CCT4: variants seen among roughly 807,000 people sequenced by gnomAD.
CCT4 encodes the protein T-complex protein 1 subunit delta.
In CCT4, 17 loss-of-function variants were observed where a neutral mutation model predicts 62.5. The observed-to-expected ratio is 0.27, with a 90% CI of 0.19 to 0.41. The LOEUF is 0.41. Among genes scored for constraint, CCT4 ranks in the 10% least tolerant of loss-of-function variants. CCT4 has a pLI of 1.00. For missense variants in CCT4, 592 were observed against 659.2 expected, an observed-to-expected ratio of 0.90 and a Z score of 1.12; for synonymous variants, 250 against 229.9, an observed-to-expected ratio of 1.09 and a Z score of -0.79.
intron 2 of CCT4, 23 bp from the exon 3 acceptor site, chr2:61,883,571 A>G: frequency 2.6e-6 from 3 of 1,157,880 alleles, no homozygotes; most frequent in Admixed American, 1.9e-5. Flanking sequence ...TTTTAAAGTT[A>G]TATTTCAATG....
intron 10 of CCT4, 121 bp from the exon 11 acceptor site, chr2:61,872,709 C>A: frequency 1.1e-6 from 1 of 932,824 alleles, no homozygotes; most frequent in Non-Finnish European, 1.6e-6. Flanking sequence ...GGGTGGCTAA[C>A]GAGGTGAGGA....
intron 8 of CCT4, among the ~76,000 whole-genome samples, chr2:61,875,684 C>G (rs1379867832): frequency 6.6e-6 from 1 of 151,990 alleles, no homozygotes; most frequent in South Asian, 2.1e-4. Context: ...GGGCTCCACC[C>G]TGAAGCCAAT....
intron 3 of CCT4, among the ~76,000 whole-genome samples, chr2:61,883,233 C>T (rs1156481671): frequency 1.3e-5 from 2 of 151,966 alleles, no homozygotes; most frequent in Non-Finnish European, 2.9e-5. Context: ...AACAGCCTGA[C>T]CAACATGGTG....
chr2:61,873,339 T>G (rs756290850), intron 8 of CCT4, 46 bp from the exon 9 acceptor site: 1 of 1,047,842 alleles, frequency 9.5e-7, no homozygotes. Context: ...ATTAAAAAAA[T>G]TTTGCTCTTC....
chr2:61,883,723 A>G (rs1199784249), intron 2 of CCT4, among the ~76,000 whole-genome samples, 175 bp from the exon 3 acceptor site: 2 of 151,932 alleles, frequency 1.3e-5, no homozygotes, highest in African/African-American at 2.4e-5. Flanking sequence ...CAACTTTACA[A>G]AAGAAAAAAG....
chr2:61,876,265 T>C lies in CCT4; in HGVS notation c.778-31A>G, dbSNP rs761978847. ...CAGAAAAAGAACATCATAATTTGCA[T>C]TGTAAGATATTTTAAGTTTAAAAGT... On this transcript the variant is annotated intron_variant, in intron 7 of 13. Coordinates refer to ENST00000394440, the MANE Select transcript of CCT4 (RefSeq NM_006430.4). The C allele has an allele frequency of 1.8e-4, 277 of 1,518,584 alleles. 1 individual carries two copies. In the South Asian group the frequency reaches 2.8e-3, roughly 15 times the overall value. The allele number at this position is 1,518,584 out of a possible 1,614,324, so 94.1% of individuals were successfully genotyped here.
chr2:61,870,202 A>G (rs1236651585), intron 12 of CCT4, among the ~76,000 whole-genome samples: 1 of 151,872 alleles, frequency 6.6e-6, no homozygotes, highest in Admixed American at 6.6e-5. Flanking sequence ...GCTTGAACCC[A>G]GGAGGCGGAG....
intron 2 of CCT4, 134 bp from the exon 3 acceptor site, chr2:61,883,682 C>A: frequency 3.6e-6 from 2 of 563,040 alleles, no homozygotes; most frequent in Non-Finnish European, 6.2e-6. Context: ...CTTACATTAG[C>A]ATAATAGTTT....
intron 8 of CCT4, among the ~76,000 whole-genome samples, chr2:61,873,952 G>A (rs1668942238): frequency 6.6e-6 from 1 of 151,888 alleles, no homozygotes; most frequent in African/African-American, 2.4e-5. Context: ...CTCCCACCTC[G>A]GCCCCACAAA....
At position 61,876,114 on chromosome 2, in the gene CCT4, T is replaced by C. The variant is rs762315491; in HGVS notation, c.898A>G (p.Ile300Val). ...IKKTGCNVLL[I>V]QKSILRDALS... ...CCACACCTTAGAATAGATTTCTGTA[T>C]GAGAAGGACATTACATCCTGTTTTT... Residue 300 changes from isoleucine (I) to valine (V), a missense_variant, in exon 8 of 14, where the codon ATA (isoleucine) becomes GTA (valine). Transcript: ENST00000394440. 9.3e-6 allele frequency: 15 copies of C among 1,604,876 alleles called. No individual in the cohort carries two copies. Among genetic ancestry groups the C allele is most frequent in the South Asian group, 4.4e-5 (4 of 90,452 alleles).
intron 4 of CCT4, 47 bp downstream of exon 4, chr2:61,880,239 G>A: frequency 1.3e-6 from 1 of 794,610 alleles, no homozygotes; most frequent in Non-Finnish European, 1.8e-6. Context: ...CCTAAAGTTT[G>A]TTTTTTAAAC....
At chr2:61,881,151 C>T (rs1271827358) in intron 3 of CCT4, among the ~76,000 whole-genome samples, 2 of 152,096 alleles carry the variant, frequency 1.3e-5, no homozygotes, top group Non-Finnish European at 2.9e-5. Context: ...AGCCTCAGGA[C>T]TATCCAAGAA....
At chr2:61,880,849 G>A (rs867620542) in intron 3 of CCT4, among the ~76,000 whole-genome samples, 4 of 152,206 alleles carry the variant, frequency 2.6e-5, no homozygotes, top group Middle Eastern at 3.4e-3. Context: ...GGGGCTATAG[G>A]TGCACACTAA....
chr2:61,883,916 C>T (rs1669176400), intron 2 of CCT4, among the ~76,000 whole-genome samples: 2 of 152,146 alleles, frequency 1.3e-5, no homozygotes, highest in Non-Finnish European at 2.9e-5. Flanking sequence ...CAGTACCATG[C>T]CATGCGGTGA....
At chr2:61,868,908 A>T (rs1007881881) in intron 13 of CCT4, 2 of 508,834 alleles carry the variant, frequency 3.9e-6, no homozygotes, top group Admixed American at 3.1e-5. Flanking sequence ...AGGCTGAGGC[A>T]GGTGGATCAC....
Position 61,888,500 on chromosome 2 carries a change from T to A in CCT4, c.8A>T (p.Glu3Val). ...CGCCCCGCTCCGGGGTGCCACATTC[T>A]CGGGCATGGCAAACTCCGCTGTGTC... MP[E>V]NVAPRSGATA... The change falls in exon 1 of 14, where the codon GAG (glutamate) becomes GTG (valine). Residue 3 changes from glutamate (E) to valine (V), a missense_variant. By Grantham distance (121) the Glu-to-Val change is moderately radical (BLOSUM62 -2). Transcript: ENST00000394440. 1.9e-6 allele frequency: 3 copies of A among 1,611,710 alleles called. No homozygotes were observed. The highest frequency in any genetic ancestry group is 2.5e-6 in the Non-Finnish European group (3 of 1,179,228).
chr2:61,886,593 A>C (rs757646761), intron 1 of CCT4, among the ~76,000 whole-genome samples: 3 of 152,202 alleles, frequency 2.0e-5, no homozygotes, highest in African/African-American at 7.2e-5. Context: ...AGTTTAAGAC[A>C]TAACGGGTCA....
intron 12 of CCT4, among the ~76,000 whole-genome samples, chr2:61,871,723 T>G (rs1053596658): frequency 6.6e-5 from 10 of 152,256 alleles, no homozygotes; most frequent in Non-Finnish European, 1.2e-4. Flanking sequence ...CTTTAGTATA[T>G]GCCAAGCATC....
At chr2:61,887,426 C>T (rs1669281788) in intron 1 of CCT4, among the ~76,000 whole-genome samples, 4 of 152,146 alleles carry the variant, frequency 2.6e-5, no homozygotes, top group Admixed American at 2.0e-4. Context: ...GGAGATTAAG[C>T]CAAATACTTT....
Sources: allele counts gnomAD v4.1 joint callset (sites outside exome capture counted in the v4.1 genomes callset), GRCh38; gene constraint gnomAD v4.1.1; transcripts MANE v1.5; gene names NCBI Gene and HGNC (gene_info 2026-07-23, HGNC 2026-07-21).